THADA: variants seen among roughly 807,000 people sequenced by gnomAD.
The protein encoded by THADA is tRNA (32-2'-O)-methyltransferase regulator THADA.
A neutral mutation model predicts 219.8 loss-of-function variants in THADA; 213 were observed. That is an observed-to-expected ratio of 0.97 (90% CI 0.87 to 1.09). The LOEUF is 1.09. THADA is among the 50% of genes least tolerant of loss of function. THADA has a pLI of 0.00. For missense variants in THADA, 2,956 were observed against 2,311.3 expected, an observed-to-expected ratio of 1.28 and a Z score of -5.72; for synonymous variants, 1,018 against 828.9, an observed-to-expected ratio of 1.23 and a Z score of -3.92.
chr2:43,383,538 A>G (rs1672282541), intron 29 of THADA, among the ~76,000 whole-genome samples: 1 of 152,210 alleles, frequency 6.6e-6, no homozygotes, highest in Non-Finnish European at 1.5e-5. Flanking sequence ...CCATCTAGCT[A>G]CTAGCTGGGA....
At chr2:43,315,941 T>C (rs764154115) in intron 31 of THADA, among the ~76,000 whole-genome samples, 63 of 152,244 alleles carry the variant, frequency 4.1e-4, no homozygotes, top group African/African-American at 9.6e-5. Flanking sequence ...TTGAGGCTCC[T>C]TGGACTTTGG....
intron 36 of THADA, among the ~76,000 whole-genome samples, chr2:43,234,707 A>C (rs914483727): frequency 6.6e-6 from 1 of 151,852 alleles, no homozygotes; most frequent in African/African-American, 2.4e-5. Context: ...AGGCTGGAGT[A>C]CAGTGGCGTG....
At chr2:43,457,519 A>G (rs981472093) in intron 26 of THADA, among the ~76,000 whole-genome samples, 1 of 152,244 alleles carries the variant, frequency 6.6e-6, no homozygotes, top group African/African-American at 2.4e-5. Context: ...CAAGGAGCCT[A>G]GAAAAATGAC....
intron 26 of THADA, among the ~76,000 whole-genome samples, chr2:43,442,234 G>T (rs1280054103): frequency 6.6e-6 from 1 of 152,104 alleles, no homozygotes; most frequent in African/African-American, 2.4e-5. Flanking sequence ...TCAGGAGTTT[G>T]AGACCACTCT....
chr2:43,413,445 T>C (rs192849433), intron 28 of THADA, among the ~76,000 whole-genome samples: 1 of 152,154 alleles, frequency 6.6e-6, no homozygotes, highest in Admixed American at 6.5e-5. Flanking sequence ...TAAGGTGAGA[T>C]ACAAATTTAA....
intron 36 of THADA, among the ~76,000 whole-genome samples, chr2:43,259,436 A>G (rs1021593771): frequency 6.6e-6 from 1 of 152,242 alleles, no homozygotes; most frequent in African/African-American, 2.4e-5. Flanking sequence ...CTCTGACTGC[A>G]CGTCCTGCCA....
intron 36 of THADA, among the ~76,000 whole-genome samples, chr2:43,274,106 C>T (rs1476132614): frequency 1.3e-5 from 2 of 152,148 alleles, no homozygotes; most frequent in Non-Finnish European, 2.9e-5. Flanking sequence ...ATGCCAAGCA[C>T]AGGAGGCTCC....
At chr2:43,349,647 C>G (rs1668030781) in intron 29 of THADA, among the ~76,000 whole-genome samples, 1 of 152,026 alleles carries the variant, frequency 6.6e-6, no homozygotes, top group Admixed American at 6.5e-5. Flanking sequence ...CCAGCAGGAT[C>G]CAGCAATAAC....
At chr2:43,460,014 T>C (rs1033966908) in intron 26 of THADA, among the ~76,000 whole-genome samples, 11 of 151,928 alleles carry the variant, frequency 7.2e-5, no homozygotes, top group African/African-American at 2.7e-4. Context: ...CAGTTCCTTA[T>C]ATAGTTCAGA....
intron 36 of THADA, 91 bp downstream of exon 36, chr2:43,279,674 T>C: frequency 7.0e-7 from 1 of 1,437,454 alleles, no homozygotes; most frequent in Non-Finnish European, 9.1e-7. Flanking sequence ...TGACCAACAA[T>C]GCCTAAGATA....
chr2:43,293,398 T>C (rs1674977801), intron 31 of THADA, among the ~76,000 whole-genome samples, 185 bp from the exon 32 acceptor site: 1 of 152,158 alleles, frequency 6.6e-6, no homozygotes, highest in Non-Finnish European at 1.5e-5. Flanking sequence ...ACAATTTCCA[T>C]TTAGGTAATG....
intron 21 of THADA, among the ~76,000 whole-genome samples, chr2:43,534,159 G>A (rs895971377): frequency 5.3e-5 from 8 of 152,066 alleles, no homozygotes; most frequent in African/African-American, 1.7e-4. Context: ...ACCCTTTTAT[G>A]AAGACAGATT....
At chr2:43,547,403 G>C in intron 20 of THADA, among the ~76,000 whole-genome samples, 1 of 152,144 alleles carries the variant, frequency 6.6e-6, no homozygotes, top group Admixed American at 6.5e-5. Context: ...TCCTGAATCT[G>C]AATGTTGGCC....
intron 29 of THADA, among the ~76,000 whole-genome samples, chr2:43,388,704 G>A (rs1471113073): frequency 6.6e-6 from 1 of 152,208 alleles, no homozygotes; most frequent in Non-Finnish European, 1.5e-5. Context: ...CAGGAAGGCA[G>A]AGAACACAGT....
intron 26 of THADA, among the ~76,000 whole-genome samples, chr2:43,461,016 G>C (rs1243428805): frequency 6.6e-6 from 1 of 152,232 alleles, no homozygotes; most frequent in Non-Finnish European, 1.5e-5. Context: ...TGTTGAGGCA[G>C]AGGTGTATAA....
intron 26 of THADA, among the ~76,000 whole-genome samples, chr2:43,446,840 G>T (rs1244423699): frequency 1.3e-5 from 2 of 152,174 alleles, no homozygotes; most frequent in African/African-American, 4.8e-5. Context: ...AGTTCTAGAA[G>T]TCAGAAGTCT....
At chr2:43,512,744 C>G (rs377279728) in intron 22 of THADA, among the ~76,000 whole-genome samples, 2 of 152,178 alleles carry the variant, frequency 1.3e-5, no homozygotes, top group African/African-American at 2.4e-5. Context: ...TCAGGTGATC[C>G]GCCTGCCTCG....
At chr2:43,315,839 C>T (rs1466423808) in intron 31 of THADA, among the ~76,000 whole-genome samples, 1 of 152,204 alleles carries the variant, frequency 6.6e-6, no homozygotes, top group African/African-American at 2.4e-5. Flanking sequence ...AGGATGAGGG[C>T]AGAGAAAGAA....
intron 15 of THADA, chr2:43,566,007 G>C (rs886229507): frequency 1.3e-5 from 2 of 154,524 alleles, no homozygotes; most frequent in Admixed American, 6.5e-5. Context: ...AGAATCGCTT[G>C]AACCCAGCAG....
Sources: allele counts gnomAD v4.1 joint callset (sites outside exome capture counted in the v4.1 genomes callset), GRCh38; gene constraint gnomAD v4.1.1; transcripts MANE v1.5; gene names NCBI Gene and HGNC (gene_info 2026-07-23, HGNC 2026-07-21).